MAPK10: variants seen among roughly 807,000 people sequenced by gnomAD.
MAPK10 encodes JNK3 alpha protein kinase.
A neutral mutation model predicts 59.3 loss-of-function variants in MAPK10; 25 were observed. The ratio of observed to expected loss-of-function variants is 0.42; its 90% confidence interval spans 0.31 to 0.59. MAPK10 has a LOEUF of 0.59. MAPK10 is among the 20% of genes least tolerant of loss of function. The pLI, the probability that MAPK10 is intolerant of heterozygous loss-of-function variation, is 0.15. For missense variants in MAPK10, 351 were observed against 568.9 expected (o/e 0.62, Z 3.90); for synonymous variants, 190 against 200.5 (o/e 0.95, Z 0.44).
chr4:86,050,242 T>C (rs2043258648), intron 11 of MAPK10, among the ~76,000 whole-genome samples: 1 of 152,198 alleles, frequency 6.6e-6, no homozygotes, highest in South Asian at 2.1e-4. Context: ...TGTGTTTCTA[T>C]GGCACTAGTA....
intron 1 of MAPK10, among the ~76,000 whole-genome samples, chr4:86,525,651 A>T (rs1046528002): frequency 2.0e-5 from 3 of 152,350 alleles, no homozygotes; most frequent in South Asian, 4.1e-4. Flanking sequence ...ATATAAACAC[A>T]GAATCTTAAA....
intron 3 of MAPK10, among the ~76,000 whole-genome samples, chr4:86,165,020 G>A (rs980315999): frequency 1.3e-5 from 2 of 151,994 alleles, no homozygotes; most frequent in Admixed American, 6.6e-5. Context: ...CTGTGTGTTG[G>A]GCACTATTAA....
intron 2 of MAPK10, among the ~76,000 whole-genome samples, chr4:86,259,737 A>G (rs941344713): frequency 4.6e-5 from 7 of 152,114 alleles, no homozygotes; most frequent in African/African-American, 1.7e-4. Flanking sequence ...ATATAATTTT[A>G]CAACATTACC....
At chr4:86,136,701 A>C (rs2062217628) in intron 4 of MAPK10, among the ~76,000 whole-genome samples, 1 of 151,320 alleles carries the variant, frequency 6.6e-6, no homozygotes, top group Admixed American at 6.6e-5. Flanking sequence ...CTTTAAATGT[A>C]AATGGACTAG....
At chr4:86,493,965 G>A (rs572584334) in intron 1 of MAPK10, among the ~76,000 whole-genome samples, 11 of 152,242 alleles carry the variant, frequency 7.2e-5, no homozygotes, top group African/African-American at 2.6e-4. Context: ...TATCTAGGAA[G>A]GAGAGAAATT....
chr4:86,238,226 C>G (rs948007228), intron 2 of MAPK10, among the ~76,000 whole-genome samples: 1 of 152,152 alleles, frequency 6.6e-6, no homozygotes, highest in Non-Finnish European at 1.5e-5. Flanking sequence ...TGTACCAATA[C>G]CATACTGTTT....
At chr4:86,025,902 G>C (rs1230796077) in intron 13 of MAPK10, among the ~76,000 whole-genome samples, 3 of 152,024 alleles carry the variant, frequency 2.0e-5, no homozygotes, top group Admixed American at 1.3e-4. Context: ...AAATATGGTA[G>C]ACACAGAATT....
At chr4:86,114,092 T>C (rs1292772385) in intron 4 of MAPK10, among the ~76,000 whole-genome samples, 1 of 152,186 alleles carries the variant, frequency 6.6e-6, no homozygotes, top group Admixed American at 6.5e-5. Flanking sequence ...TCGAAACTGG[T>C]TATTCTAGTT....
intron 1 of MAPK10, among the ~76,000 whole-genome samples, chr4:86,536,418 C>T (rs1225921813): frequency 6.6e-6 from 1 of 152,208 alleles, no homozygotes; most frequent in Non-Finnish European, 1.5e-5. Flanking sequence ...TATTCAGTCA[C>T]AGAACCCAGA....
intron 3 of MAPK10, among the ~76,000 whole-genome samples, chr4:86,182,728 G>A (rs1292408456): frequency 6.6e-6 from 1 of 151,986 alleles, no homozygotes; most frequent in Non-Finnish European, 1.5e-5. Flanking sequence ...ATAAAAATAA[G>A]TGTTTTTATC....
intron 1 of MAPK10, among the ~76,000 whole-genome samples, chr4:86,381,607 C>T (rs1265829098): frequency 6.6e-6 from 1 of 152,198 alleles, no homozygotes; most frequent in African/African-American, 2.4e-5. Context: ...CCCTGCCTCT[C>T]TGCCTTATGT....
In MAPK10 at chr4:86,089,937, G is replaced by A. The variant is rs144438431; in HGVS notation, c.802+8587C>T. ...AAAAGCTGGCTTTCAAAATGGGATCGCTCAATGTGAAATAAACAACATGAC... is the reference window on the plus strand; with the variant it reads ...AAAAGCTGGCTTTCAAAATGGGATCACTCAATGTGAAATAAACAACATGAC... On this transcript the variant is annotated intron_variant, in intron 9 of 13. Transcript: ENST00000641462. Among the ~76,000 whole-genome samples, 55 of 152,144 alleles carry A rather than the reference G, an allele frequency of 3.6e-4. 3 individuals are homozygous for A. The East Asian group carries it at 0.01, about 28-fold the overall frequency.
chr4:86,505,364 A>G (rs1330221911), intron 1 of MAPK10, among the ~76,000 whole-genome samples: 1 of 152,044 alleles, frequency 6.6e-6, no homozygotes, highest in African/African-American at 2.4e-5. Flanking sequence ...TAATCTCAAC[A>G]TTTTGGGAGG....
At chr4:86,408,252 A>C (rs1310921813) in intron 1 of MAPK10, among the ~76,000 whole-genome samples, 2 of 152,122 alleles carry the variant, frequency 1.3e-5, no homozygotes, top group African/African-American at 4.8e-5. Context: ...ATGGCTGCAT[A>C]GTATTCCACG....
chr4:86,015,569 G>A lies in MAPK10; in HGVS notation c.*1659C>T, dbSNP rs1743018087. 6.6e-6 allele frequency: 1 copy of A among 152,160 alleles called. No homozygotes were observed. The highest frequency in any genetic ancestry group is 2.4e-5 in the African/African-American group (1 of 41,420). The allele number at this position is 152,160 out of a possible 1,614,324, so 9.4% of individuals were successfully genotyped here. On this transcript the variant is annotated 3_prime_UTR_variant, in exon 14 of 14. Transcript: ENST00000641462. ...GCTGAGATCACCTTGGTATTGCCTT[G>A]TACATAACCAAGATGTTTCACAGTG...
At chr4:86,476,929 C>T (rs1378855559) in intron 1 of MAPK10, among the ~76,000 whole-genome samples, 1 of 152,190 alleles carries the variant, frequency 6.6e-6, no homozygotes, top group African/African-American at 2.4e-5. Context: ...TAAGCCATGT[C>T]TCATCTGTGC....
intron 2 of MAPK10, among the ~76,000 whole-genome samples, chr4:86,257,662 C>T (rs917086858): frequency 1.3e-5 from 2 of 152,072 alleles, no homozygotes; most frequent in East Asian, 1.9e-4. Context: ...TACCCACCTC[C>T]GCTTGACTTC....
intron 11 of MAPK10, among the ~76,000 whole-genome samples, chr4:86,050,999 A>T (rs1176755404): frequency 1.3e-5 from 2 of 152,180 alleles, no homozygotes; most frequent in Non-Finnish European, 2.9e-5. Flanking sequence ...ATGCACCTAA[A>T]GATAGAAATC....
chr4:86,286,961 C>T (rs887650789), intron 2 of MAPK10, among the ~76,000 whole-genome samples: 1 of 152,078 alleles, frequency 6.6e-6, no homozygotes, highest in East Asian at 1.9e-4. Context: ...AATGCTGGCA[C>T]CGTTAACAGG....
Sources: allele counts gnomAD v4.1 joint callset (sites outside exome capture counted in the v4.1 genomes callset), GRCh38; gene constraint gnomAD v4.1.1; transcripts MANE v1.5; gene names NCBI Gene and HGNC (gene_info 2026-07-23, HGNC 2026-07-21).